The following PLA2G6 variants were observed in gnomAD, a reference collection of about 807,000 sequenced individuals.
PLA2G6 encodes 85/88 kDa calcium-independent phospholipase A2.
A neutral mutation model predicts 83.8 loss-of-function variants in PLA2G6; 62 were observed. The ratio of observed to expected loss-of-function variants is 0.74; its 90% CI spans 0.60 to 0.91. The LOEUF (loss-of-function observed/expected upper bound fraction) is 0.91, where lower values mean the gene tolerates loss of function less well. PLA2G6 is among the 40% of genes least tolerant of loss of function. The pLI, the probability that PLA2G6 is intolerant of heterozygous loss-of-function variation, is 0.00. For synonymous variants in PLA2G6, 417 were observed against 449.8 expected (o/e 0.93, Z 0.92); for missense variants, 944 against 1,102.0 (o/e 0.86, Z 2.03).
chr22:38,159,729 G>GAAGGAAGGAAGT (rs1171987583), intron 2 of PLA2G6, among the ~76,000 whole-genome samples: 7 of 111,516 alleles, frequency 6.3e-5, no homozygotes, highest in Admixed American at 1.7e-4. Flanking sequence ...TAGATGAAAG[G>GAAGGAAGGAAGT]AAGGAAGGAA....
At position 38,143,648 on chromosome 22, in the gene PLA2G6, G is replaced by T. The variant is rs541350347; in HGVS notation, c.426-360C>A. On this transcript the variant is annotated intron_variant, in intron 3 of 16. Transcript: ENST00000332509. The stretch of plus-strand genomic sequence containing the variant: ...GTCAATATCCTTATCGACACAAGCT[G>T]CTGTGCCTGCCCCAGGAAATGGACA... The T allele has an allele frequency of 4.3e-5, 17 of 391,644 alleles. No homozygotes were observed. The East Asian group carries it at 9.4e-4, about 22-fold the overall frequency. 24.3% of individuals were successfully genotyped at this position (391,644 alleles called of 1,614,324 possible).
chr22:38,162,890 A>G (rs543686471), intron 2 of PLA2G6, among the ~76,000 whole-genome samples: 1 of 152,198 alleles, frequency 6.6e-6, no homozygotes, highest in South Asian at 2.1e-4. Context: ...GAGGAGGCAA[A>G]GGGGAGATTC....
intron 7 of PLA2G6, among the ~76,000 whole-genome samples, chr22:38,129,984 G>T (rs529844039): frequency 1.3e-5 from 2 of 152,328 alleles, no homozygotes; most frequent in East Asian, 3.9e-4. Context: ...CCAGTCCAGG[G>T]TGTCATCCCT....
chr22:38,120,989 A>G lies in PLA2G6; in HGVS notation c.1592-80T>C, dbSNP rs895050694. ...CGTAGAACAGCCTGCAGAGCGCCTGAACGCAGGAGGTGGCAGGAGGAAGCG... is the reference window on the plus strand; with the variant it reads ...CGTAGAACAGCCTGCAGAGCGCCTGGACGCAGGAGGTGGCAGGAGGAAGCG... On this transcript the variant is annotated intron_variant, in intron 11 of 16. Coordinates refer to ENST00000332509, the MANE Select transcript of PLA2G6 (RefSeq NM_003560.4). 1.9e-6 allele frequency: 3 copies of G among 1,544,074 alleles called. No homozygotes were observed. The African/African-American group carries it at 4.1e-5, about 21-fold the overall frequency.
At chr22:38,165,365 G>A (rs905605629) in intron 2 of PLA2G6, among the ~76,000 whole-genome samples, 1 of 152,190 alleles carries the variant, frequency 6.6e-6, no homozygotes. Context: ...GCAGGGACGG[G>A]TGCCATGGGA....
At chr22:38,150,703 A>C (rs925182149) in intron 2 of PLA2G6, 4 of 152,252 alleles carry the variant, frequency 2.6e-5, no homozygotes, top group African/African-American at 9.6e-5. Flanking sequence ...GAAAAAAGTT[A>C]TCTTCAAAGG....
intron 2 of PLA2G6, among the ~76,000 whole-genome samples, chr22:38,161,243 C>T (rs951291012): frequency 6.6e-6 from 1 of 152,078 alleles, no homozygotes; most frequent in African/African-American, 2.4e-5. Flanking sequence ...TCTCACAGTT[C>T]TAGAGGCTAG....
At chr22:38,175,966 C>T (rs1256143031) in intron 1 of PLA2G6, among the ~76,000 whole-genome samples, 2 of 152,188 alleles carry the variant, frequency 1.3e-5, no homozygotes, top group Non-Finnish European at 2.9e-5. Flanking sequence ...ACACTTTATT[C>T]CCTTGAAGGT....
intron 12 of PLA2G6, among the ~76,000 whole-genome samples, chr22:38,118,978 T>A (rs926724512): frequency 6.6e-6 from 1 of 152,064 alleles, no homozygotes; most frequent in African/African-American, 2.4e-5. Context: ...CCCAGGCTGG[T>A]CTCGACCTCC....
chr22:38,181,397 G>A (rs2090841410), intron 1 of PLA2G6, among the ~76,000 whole-genome samples: 1 of 152,154 alleles, frequency 6.6e-6, no homozygotes, highest in Admixed American at 6.6e-5. Context: ...AGGAAAATTA[G>A]GACGGCCAAT....
rs1348466041 is a variant in PLA2G6, at chr22:38,132,570, C to T, written c.1077+261G>A. 3.4e-5 allele frequency: 19 copies of T among 565,444 alleles called. No homozygotes were observed. The highest frequency in any genetic ancestry group is 4.7e-4 in the Middle Eastern group (1 of 2,146). The allele number at this position is 565,444 out of a possible 1,614,324, so 35.0% of individuals were successfully genotyped here. A position where few individuals can be genotyped will look rare whatever the true frequency, so the allele number is the denominator to read the frequency against. On this transcript the variant is annotated intron_variant, in intron 7 of 16. Coordinates refer to ENST00000332509, the MANE Select transcript of PLA2G6 (RefSeq NM_003560.4). The surrounding 1 kb of genome is among the most constrained non-coding windows in gnomAD (Gnocchi z 5.0). ...GGCCAGAGCTGTCATTTTTCCCTCT[C>T]GTGCCATGCAAGTGCCAAATGGGGG...
intron 12 of PLA2G6, among the ~76,000 whole-genome samples, chr22:38,118,791 T>C (rs1406544495): frequency 2.0e-5 from 3 of 151,802 alleles, no homozygotes; most frequent in African/African-American, 7.3e-5. Context: ...TCTCACTCTA[T>C]TGCCCAGGCT....
rs529086739 is a variant in PLA2G6 at position 38,174,122 on chromosome 22, C to T, written c.-45-4651G>A. ...AAAAAACAAAAACAAACGGGCTGGG[C>T]GCAGTGGCTCACGCCTGTAATCCCA... On this transcript the variant is annotated intron_variant, in intron 1 of 16. Transcript: ENST00000332509. 9.7e-4 allele frequency among the ~76,000 whole-genome samples: 148 copies of T among 152,202 alleles called. 1 individual carries two copies. Among genetic ancestry groups the T allele is most frequent in the African/African-American group, 1.3e-3 (54 of 41,528 alleles).
intron 2 of PLA2G6, 31 bp downstream of exon 2, chr22:38,169,187 G>C (rs749090660): frequency 1.3e-6 from 2 of 1,543,058 alleles, no homozygotes; most frequent in Non-Finnish European, 1.8e-6. Flanking sequence ...AGTGAAAGGA[G>C]AGAAGTATGT....
chr22:38,161,485 C>T (rs921086050), intron 2 of PLA2G6, among the ~76,000 whole-genome samples: 2 of 152,204 alleles, frequency 1.3e-5, no homozygotes, highest in East Asian at 3.9e-4. Flanking sequence ...GGGGCTTCAA[C>T]ATATGATTTC....
Position 38,177,484 on chromosome 22 carries a change from C to T in PLA2G6, c.-46+4180G>A, listed in dbSNP as rs564330758. Among the ~76,000 whole-genome samples the T allele has an allele frequency of 3.0e-3, 380 of 128,236 alleles. 2 individuals are homozygous for T. The highest frequency in any genetic ancestry group is 0.011 in the African/African-American group (357 of 33,910). The allele number at this position is 128,236 out of a possible 152,430, so 84.1% of individuals were successfully genotyped here. ...TTTTTTTTTTTTTTTTTTTTTGAGA[C>T]AGAGTTTCACTCTTGTTGCCCAAGC... On this transcript the variant is annotated intron_variant, in intron 1 of 16. Transcript: ENST00000332509.
At chr22:38,140,666 G>C (rs573067004) in intron 4 of PLA2G6, 1 of 183,118 alleles carries the variant, frequency 5.5e-6, no homozygotes, top group South Asian at 1.1e-4. Flanking sequence ...GGGGGTCCAG[G>C]TGGGAATGAT....
chr22:38,160,947 T>C (rs974042869), intron 2 of PLA2G6, among the ~76,000 whole-genome samples: 3 of 152,170 alleles, frequency 2.0e-5, no homozygotes, highest in Non-Finnish European at 4.4e-5. Flanking sequence ...GTCCTATCTC[T>C]AGATTCGAGT....
chr22:38,135,123 G>C (rs764376979), intron 5 of PLA2G6, 39 bp from the exon 6 acceptor site: 63 of 1,391,290 alleles, frequency 4.5e-5, no homozygotes, highest in Non-Finnish European at 6.0e-5. Context: ...GCAGAAGCTA[G>C]GGTCTGCGTG....
Sources: gnomAD v4.1 joint callset for allele counts (sites outside exome capture counted in the v4.1 genomes callset) on GRCh38, gnomAD v4.1.1 for gene constraint, Gnocchi (gnomAD v3.1) non-coding constraint, MANE v1.5 for transcripts, NCBI Gene and HGNC (gene_info 2026-07-23, HGNC 2026-07-21) for gene names.